PLAC1: variants seen among roughly 807,000 people sequenced by gnomAD.
PLAC1 encodes placenta-specific protein 1.
For synonymous variants in PLAC1, 68 were observed against 62.1 expected (o/e 1.09, Z -0.44); for missense variants, 136 against 163.2 (o/e 0.83, Z 0.91).
chrX:134,725,492 G>C (rs1165353360), intron 2 of PLAC1, among the ~76,000 whole-genome samples: 1 of 111,865 alleles, frequency 8.9e-6, no homozygotes, highest in Non-Finnish European at 1.9e-5. Context: ...TGATTCAGTA[G>C]GTCTAGAATG....
At chrX:134,594,039 G>GT (rs1246593195) in intron 2 of PLAC1, among the ~76,000 whole-genome samples, 1 of 111,004 alleles carries the variant, frequency 9.0e-6, no homozygotes, top group Non-Finnish European at 1.9e-5. Flanking sequence ...AGTTGTAGGG[G>GT]TTTTTTTGCA....
intron 2 of PLAC1, among the ~76,000 whole-genome samples, chrX:134,729,420 C>T (rs897911912): frequency 1.8e-5 from 2 of 112,002 alleles, no homozygotes; most frequent in African/African-American, 3.3e-5. Context: ...TGAGGCACCA[C>T]GCATTGAGTA....
chrX:134,659,870 T>A (rs751497164), upstream of PLAC1, among the ~76,000 whole-genome samples: 1 of 111,528 alleles, frequency 9.0e-6, no homozygotes, highest in African/African-American at 3.3e-5. Context: ...TTACCTAAGG[T>A]CACACAGGTA....
At chrX:134,759,177 G>T (rs1450998100) in intron 1 of PLAC1, among the ~76,000 whole-genome samples, 2 of 109,048 alleles carry the variant, frequency 1.8e-5, no homozygotes, top group Non-Finnish European at 3.8e-5. Flanking sequence ...TTGAGACAGA[G>T]TCTCACTCTG....
chrX:134,593,897 C>T (rs1321488252), intron 2 of PLAC1, among the ~76,000 whole-genome samples: 3 of 111,392 alleles, frequency 2.7e-5, no homozygotes, highest in Non-Finnish European at 5.7e-5. Context: ...CTTTTATTTC[C>T]TTTTCTGGAC....
At chrX:134,646,681 A>G (rs2078334994) in intron 1 of PLAC1, among the ~76,000 whole-genome samples, 1 of 112,684 alleles carries the variant, frequency 8.9e-6, no homozygotes, top group Non-Finnish European at 1.9e-5. Flanking sequence ...TCTAGAATGG[A>G]AGGCTAGAGG....
chrX:134,728,045 A>G (rs2078679211), intron 2 of PLAC1, among the ~76,000 whole-genome samples: 1 of 112,129 alleles, frequency 8.9e-6, no homozygotes, highest in African/African-American at 3.2e-5. Context: ...AATGGGGAGA[A>G]GAAAGAATCA....
At chrX:134,717,085 C>T (rs140500381) in intron 2 of PLAC1, among the ~76,000 whole-genome samples, 1,123 of 111,668 alleles carry the variant, frequency 0.01, 8 homozygotes, top group Non-Finnish European at 0.016. Context: ...GTGGTCTAAA[C>T]CTGACTCAGT....
intron 1 of PLAC1, among the ~76,000 whole-genome samples, chrX:134,750,901 ATATATATATTTATATATATATATTTT>A (rs2078742362): frequency 3.1e-4 from 4 of 12,778 alleles, no homozygotes; most frequent in South Asian, 4.7e-3. Context: ...ATATATATTT[ATATATATATTTATATATATATATTTT>A]TATATATATA....
chrX:134,587,291 G>A (rs1238982039), intron 2 of PLAC1, among the ~76,000 whole-genome samples: 1 of 110,506 alleles, frequency 9.0e-6, no homozygotes, highest in East Asian at 2.8e-4. Flanking sequence ...GGTGGCTGGG[G>A]CCTATAATGC....
chrX:134,741,702 G>GA lies in PLAC1; in HGVS notation n.90-8184dup, dbSNP rs60020281. Among the ~76,000 whole-genome samples the GA allele has an allele frequency of 8.4e-3, 590 of 70,564 alleles. 8 individuals carry two copies. Among genetic ancestry groups the GA allele is most frequent in the East Asian group, 0.078 (167 of 2,151 alleles). The allele number at this position is 70,564 out of a possible 115,157, so 61.3% of individuals were successfully genotyped here. ...TGCAGAGATGGTGTCCTCTGTCTTG[G>GA]AAAAAAAAAAAAAAAAAAAGAACAC... On this transcript the variant is annotated intron_variant and non_coding_transcript_variant, in intron 1 of 2. Coordinates refer to the PLAC1 transcript ENST00000466797.
In PLAC1 at chrX:134,708,081, G is replaced by A. The variant is rs7889420; in HGVS notation, n.174+25354C>T. Among the ~76,000 whole-genome samples, 358 of 111,899 alleles carry A rather than the reference G, an allele frequency of 3.2e-3. 1 individual carries two copies. Among genetic ancestry groups the A allele is most frequent in the African/African-American group, 0.011 (341 of 30,810 alleles). On this transcript the variant is annotated intron_variant and non_coding_transcript_variant, in intron 2 of 2. Coordinates refer to the PLAC1 transcript ENST00000466797. ...GAAAACAGAGAAATAAAAAACAGAG[G>A]TAACAAACAGAAAACACTCAAACCA...
At chrX:134,619,524 G>A (rs758332523) in intron 1 of PLAC1, among the ~76,000 whole-genome samples, 4 of 109,863 alleles carry the variant, frequency 3.6e-5, no homozygotes, top group East Asian at 2.8e-4. Flanking sequence ...GGTGGCATGC[G>A]CCTGTAATCC....
At chrX:134,746,776 A>T (rs2078730211) in intron 1 of PLAC1, among the ~76,000 whole-genome samples, 1 of 112,116 alleles carries the variant, frequency 8.9e-6, no homozygotes, top group Non-Finnish European at 1.9e-5. Flanking sequence ...CAATCTGCAC[A>T]ATTTGAGGTG....
intron 2 of PLAC1, among the ~76,000 whole-genome samples, chrX:134,666,596 A>G (rs1438154951): frequency 9.0e-6 from 1 of 111,619 alleles, no homozygotes; most frequent in Non-Finnish European, 1.9e-5. Context: ...ATGCTCAGAA[A>G]GAGGAATGGA....
intron 1 of PLAC1, among the ~76,000 whole-genome samples, chrX:134,741,058 C>T (rs778915905): frequency 1.8e-5 from 2 of 112,119 alleles, no homozygotes; most frequent in African/African-American, 3.2e-5. Flanking sequence ...ATTGGTTACA[C>T]GGGTATGTTC....
At chrX:134,585,914 G>A (rs1229225629) in intron 2 of PLAC1, among the ~76,000 whole-genome samples, 1 of 112,078 alleles carries the variant, frequency 8.9e-6, no homozygotes, top group Non-Finnish European at 1.9e-5. Flanking sequence ...CTGAGTCACA[G>A]CATTGCTGGG....
chrX:134,711,052 T>A (rs1356106045), intron 2 of PLAC1, among the ~76,000 whole-genome samples: 3 of 112,046 alleles, frequency 2.7e-5, no homozygotes, highest in Non-Finnish European at 5.6e-5. Flanking sequence ...GCTGCAATAT[T>A]TAATCCAAAA....
At chrX:134,733,665 G>C (rs993910206) in intron 1 of PLAC1, 2 of 111,289 alleles carry the variant, frequency 1.8e-5, no homozygotes, top group East Asian at 5.7e-4. Flanking sequence ...AAGGACAAAG[G>C]CTTTGGATCC....
Sources: gnomAD v4.1 joint callset for allele counts (sites outside exome capture counted in the v4.1 genomes callset) on GRCh38, gnomAD v4.1.1 for gene constraint, MANE v1.5 for transcripts, NCBI Gene and HGNC (gene_info 2026-07-23, HGNC 2026-07-21) for gene names.